Variants in RBFOX1 observed in about 807,000 individuals in gnomAD.
RBFOX1 encodes the protein RNA binding fox-1 homolog 1, also known as RNA binding protein fox-1 homolog 1.
A neutral mutation model predicts 57.7 loss-of-function variants in RBFOX1; 8 were observed. The observed-to-expected ratio is 0.14, with a 90% CI of 0.08 to 0.25. The LOEUF (loss-of-function observed/expected upper bound fraction) is 0.25. Ranked by LOEUF, RBFOX1 falls within the 10% of genes least tolerant of loss-of-function variation. The pLI, the probability that RBFOX1 is intolerant of heterozygous loss-of-function variation, is 1.00. For synonymous variants in RBFOX1, 326 were observed against 222.4 expected (o/e 1.47, Z -4.15); for missense variants, 611 against 548.5 (o/e 1.11, Z -1.14).
chr16:7,402,757 C>T (rs2098266645), intron 4 of RBFOX1, among the ~76,000 whole-genome samples: 1 of 152,152 alleles, frequency 6.6e-6, no homozygotes. Flanking sequence ...GTGCCCCCCT[C>T]CTTAATCCCA....
intron 2 of RBFOX1, among the ~76,000 whole-genome samples, chr16:5,491,862 A>G (rs2042842156): frequency 6.6e-6 from 1 of 152,224 alleles, no homozygotes; most frequent in African/African-American, 2.4e-5. Context: ...AAACAACAGC[A>G]ACAGGTAACA....
chr16:6,856,953 G>A lies in RBFOX1; in HGVS notation c.-15-195104G>A, dbSNP rs539035801. ...GGAAAGAAAACGAACGGAGGGACAT[G>A]AGAAGAAAGGGAGGGACAAAGAGAA... On this transcript the variant is annotated intron_variant, in intron 3 of 15. Transcript: ENST00000550418. Among the ~76,000 whole-genome samples, 4 of 152,312 alleles carry A rather than the reference G, an allele frequency of 2.6e-5. No individual in the cohort carries two copies. In the East Asian group the frequency reaches 7.7e-4, roughly 29 times the overall value.
intron 3 of RBFOX1, among the ~76,000 whole-genome samples, chr16:6,809,223 T>G (rs2087768712): frequency 6.6e-6 from 1 of 152,198 alleles, no homozygotes; most frequent in South Asian, 2.1e-4. Flanking sequence ...CGCTGGAGTC[T>G]CTGAATCTCA....
At chr16:5,979,856 G>A (rs1041799192) in intron 4 of RBFOX1, among the ~76,000 whole-genome samples, 2 of 152,152 alleles carry the variant, frequency 1.3e-5, no homozygotes, top group African/African-American at 4.8e-5. Flanking sequence ...GTGAGACTCT[G>A]ACTCAAAGAA....
chr16:7,095,392 C>T (rs530659141), intron 4 of RBFOX1, among the ~76,000 whole-genome samples: 19 of 152,312 alleles, frequency 1.2e-4, no homozygotes, highest in African/African-American at 4.6e-4. Context: ...CCTGCCTCAG[C>T]CTCCCACAGT....
rs111682243 is a variant in RBFOX1, at chr16:5,544,851, T to C, written c.259-54051T>C. On this transcript the variant is annotated intron_variant, in intron 2 of 2. Transcript: ENST00000585867. ...TGCTAAAGCTAATTTAAGAACTAGGTAACCGTATTAACCCTATATCAAGTT... is the reference window on the plus strand; with the variant it reads ...TGCTAAAGCTAATTTAAGAACTAGGCAACCGTATTAACCCTATATCAAGTT... Among the ~76,000 whole-genome samples, 1,130 of 151,738 alleles carry C rather than the reference T, an allele frequency of 7.4e-3. 20 individuals are homozygous for C. The highest frequency in any genetic ancestry group is 0.025 in the African/African-American group (1,047 of 41,314).
intron 3 of RBFOX1, among the ~76,000 whole-genome samples, chr16:6,918,761 T>C (rs1179802315): frequency 1.3e-5 from 2 of 152,166 alleles, no homozygotes; most frequent in African/African-American, 4.8e-5. Context: ...GTTGATATTA[T>C]GGTTAATTAA....
At chr16:7,009,976 A>G (rs1456117556) in intron 3 of RBFOX1, among the ~76,000 whole-genome samples, 1 of 152,208 alleles carries the variant, frequency 6.6e-6, no homozygotes, top group Admixed American at 6.5e-5. Context: ...ATTGGGAGGT[A>G]AGGCTTCCTG....
chr16:5,574,632 A>G (rs1224919921), intron 2 of RBFOX1, among the ~76,000 whole-genome samples: 2 of 151,884 alleles, frequency 1.3e-5, no homozygotes, highest in Non-Finnish European at 2.9e-5. Context: ...GGTTTCGCCA[A>G]GTTGGTCAGA....
chr16:6,019,184 C>G lies in RBFOX1; in HGVS notation c.-935C>G, dbSNP rs1436880991. 1.2e-5 allele frequency: 12 copies of G among 985,218 alleles called. No homozygotes were observed. The highest frequency in any genetic ancestry group is 1.7e-5 in the African/African-American group (1 of 57,182). 61.0% of individuals were successfully genotyped at this position (985,218 alleles called of 1,614,324 possible). A position where few individuals can be genotyped will look rare whatever the true frequency, so the allele number is the denominator to read the frequency against. On this transcript the variant is annotated 5_prime_UTR_variant, in exon 1 of 16. Transcript: ENST00000550418. This position sits in a 1 kb window ranked among gnomAD's most constrained non-coding sequence, Gnocchi z 4.2. Reference sequence around the variant, plus strand: ...CTATATTTTTACTGGAAGATTTCCTCTTTATTCTCTCCCGCCCTCCTACAA... The same window carrying G: ...CTATATTTTTACTGGAAGATTTCCTGTTTATTCTCTCCCGCCCTCCTACAA...
intron 4 of RBFOX1, among the ~76,000 whole-genome samples, chr16:7,144,160 T>A (rs1038657858): frequency 1.3e-5 from 2 of 152,152 alleles, no homozygotes; most frequent in African/African-American, 4.8e-5. Context: ...CAAAAATGAT[T>A]GTTTAAGAAA....
chr16:6,682,048 A>G (rs2058725238), intron 3 of RBFOX1, among the ~76,000 whole-genome samples: 1 of 152,186 alleles, frequency 6.6e-6, no homozygotes, highest in Non-Finnish European at 1.5e-5. Context: ...CTTTGCTCAT[A>G]TCTACTGGAT....
intron 3 of RBFOX1, among the ~76,000 whole-genome samples, chr16:6,814,021 A>C (rs1375926198): frequency 7.7e-6 from 1 of 129,634 alleles, no homozygotes; most frequent in Non-Finnish European, 1.7e-5. Flanking sequence ...GATCTGCACA[A>C]AGGGAAATTA....
intron 2 of RBFOX1, among the ~76,000 whole-genome samples, chr16:6,485,950 T>C (rs942267968): frequency 6.6e-6 from 1 of 151,868 alleles, no homozygotes; most frequent in African/African-American, 2.4e-5. Flanking sequence ...ACAACAAAAA[T>C]AGTTTTTCTT....
intron 3 of RBFOX1, among the ~76,000 whole-genome samples, chr16:5,639,453 A>G (rs150350092): frequency 5.4e-4 from 82 of 152,202 alleles, no homozygotes; most frequent in Non-Finnish European, 1.0e-3. Flanking sequence ...ATGAATCAAG[A>G]CTTCTTTTGG....
chr16:5,328,891 G>C (rs2064664661), intron 1 of RBFOX1, among the ~76,000 whole-genome samples: 1 of 152,188 alleles, frequency 6.6e-6, no homozygotes, highest in South Asian at 2.1e-4. Context: ...TTGATTCCGG[G>C]TCCTACCCAG....
chr16:7,514,315 C>T (rs939436757), intron 4 of RBFOX1, among the ~76,000 whole-genome samples: 5 of 152,202 alleles, frequency 3.3e-5, no homozygotes, highest in Admixed American at 1.3e-4. Context: ...TCTTCATCCC[C>T]CTACCCTATC....
chr16:7,675,193 A>G (rs2072904199), intron 13 of RBFOX1, among the ~76,000 whole-genome samples: 1 of 152,148 alleles, frequency 6.6e-6, no homozygotes, highest in South Asian at 2.1e-4. Flanking sequence ...AGCTATATAG[A>G]AAAATGGCTC....
chr16:7,447,452 AG>A (rs1567213092), intron 4 of RBFOX1, among the ~76,000 whole-genome samples: 5 of 146,228 alleles, frequency 3.4e-5, no homozygotes, highest in South Asian at 2.2e-4. Flanking sequence ...AAAAAAAAAG[AG>A]AGATTCCAAT....
Sources: allele counts gnomAD v4.1 joint callset (sites outside exome capture counted in the v4.1 genomes callset), GRCh38; gene constraint gnomAD v4.1.1; non-coding constraint Gnocchi (gnomAD v3.1); transcripts MANE v1.5; gene names NCBI Gene and HGNC (gene_info 2026-07-23, HGNC 2026-07-21).